Variants in UBE2E3 observed in about 807,000 individuals in gnomAD.
UBE2E3 encodes the protein ubiquitin conjugating enzyme E2 E3, also known as ubiquitin-conjugating enzyme E2 E3.
A neutral mutation model predicts 23.6 loss-of-function variants in UBE2E3; 5 were observed. The observed-to-expected ratio is 0.21, with a 90% confidence interval of 0.11 to 0.44. The LOEUF (loss-of-function observed/expected upper bound fraction) is 0.44, where lower values mean the gene tolerates loss of function less well. Among genes scored for constraint, UBE2E3 ranks in the 20% least tolerant of loss-of-function variants. The pLI, the probability that UBE2E3 is intolerant of heterozygous loss-of-function variation, is 0.99. For synonymous variants in UBE2E3, 78 were observed against 87.5 expected (o/e 0.89, Z 0.60); for missense variants, 81 against 249.8 (o/e 0.32, Z 4.55).
chr2:181,003,940 A>G (rs1209376086), intron 3 of UBE2E3, among the ~76,000 whole-genome samples: 1 of 152,252 alleles, frequency 6.6e-6, no homozygotes, highest in Non-Finnish European at 1.5e-5. Context: ...TTCAGAAATT[A>G]TATAACTAGT....
chr2:181,001,297 GT>G (rs1202940858), intron 3 of UBE2E3, among the ~76,000 whole-genome samples: 1 of 152,232 alleles, frequency 6.6e-6, no homozygotes, highest in African/African-American at 2.4e-5. Flanking sequence ...GGAAAGAGAG[GT>G]GGGAGAGAAA....
chr2:181,054,338 C>T (rs929401209), intron 3 of UBE2E3, among the ~76,000 whole-genome samples: 2 of 151,840 alleles, frequency 1.3e-5, no homozygotes, highest in Admixed American at 6.6e-5. Context: ...TTTCCTGTAC[C>T]ATTTTGTATT....
At chr2:180,992,855 A>T (rs943078717) in intron 3 of UBE2E3, among the ~76,000 whole-genome samples, 1 of 152,084 alleles carries the variant, frequency 6.6e-6, no homozygotes, top group Admixed American at 6.6e-5. Flanking sequence ...TAGTAGAGAC[A>T]GGGTTTCACC....
chr2:181,024,577 A>G (rs200642210), intron 3 of UBE2E3, among the ~76,000 whole-genome samples: 1 of 152,194 alleles, frequency 6.6e-6, no homozygotes, highest in Non-Finnish European at 1.5e-5. Flanking sequence ...GTGATTATTA[A>G]GATGTAATGG....
intron 3 of UBE2E3, among the ~76,000 whole-genome samples, chr2:181,049,975 A>G (rs893078868): frequency 1.3e-5 from 2 of 152,022 alleles, no homozygotes; most frequent in Admixed American, 6.6e-5. Flanking sequence ...CCCTGAATAT[A>G]TGAAATGAAG....
At chr2:181,039,632 A>C (rs886953119) in intron 3 of UBE2E3, among the ~76,000 whole-genome samples, 2 of 144,990 alleles carry the variant, frequency 1.4e-5, no homozygotes, top group African/African-American at 4.9e-5. Context: ...TACAAATGCT[A>C]ATTTTGGCTA....
At chr2:181,047,117 C>T (rs1686693836) in intron 3 of UBE2E3, among the ~76,000 whole-genome samples, 1 of 152,146 alleles carries the variant, frequency 6.6e-6, no homozygotes, top group African/African-American at 2.4e-5. Context: ...CACCACATGA[C>T]TAGATGACGT....
chr2:181,043,427 A>G (rs1313021655), intron 3 of UBE2E3, among the ~76,000 whole-genome samples: 4 of 152,198 alleles, frequency 2.6e-5, no homozygotes, highest in Non-Finnish European at 5.9e-5. Flanking sequence ...AAAATATTGT[A>G]TAAAATTACT....
intron 3 of UBE2E3, among the ~76,000 whole-genome samples, chr2:181,015,384 A>G (rs1685454192): frequency 2.0e-5 from 3 of 152,164 alleles, no homozygotes; most frequent in Admixed American, 2.0e-4. Flanking sequence ...CATCTAGAAC[A>G]TTTTGTCAAT....
chr2:181,035,986 C>T lies in UBE2E3; in HGVS notation c.246-21707C>T, dbSNP rs189622266. 3.2e-3 allele frequency among the ~76,000 whole-genome samples: 492 copies of T among 152,306 alleles called. 4 individuals are homozygous for T. Among genetic ancestry groups the T allele is most frequent in the African/African-American group, 0.011 (464 of 41,558 alleles). On this transcript the variant is annotated intron_variant, in intron 3 of 5. Transcript: ENST00000410062. ...GTAAGTGATGTCAGTACAGTGCATT[C>T]TTCAAACAGTAAAGTCAATCCTGAT...
chr2:180,989,994 CT>C, intron 3 of UBE2E3: 1 of 1,529,262 alleles, frequency 6.5e-7, no homozygotes, highest in Non-Finnish European at 8.8e-7. Context: ...AATAAAATCA[CT>C]TGTAAATCTA....
At chr2:181,010,199 ATAT>A (rs1685277615) in intron 3 of UBE2E3, among the ~76,000 whole-genome samples, 1 of 152,112 alleles carries the variant, frequency 6.6e-6, no homozygotes, top group Non-Finnish European at 1.5e-5. Context: ...TTATTATTTT[ATAT>A]TATTAATTGT....
intron 3 of UBE2E3, among the ~76,000 whole-genome samples, chr2:181,056,924 A>G (rs1687004886): frequency 6.6e-6 from 1 of 151,846 alleles, no homozygotes; most frequent in East Asian, 2.0e-4. Context: ...ATACCATGAG[A>G]AGGACACATA....
chr2:180,982,239 A>G lies in UBE2E3; in HGVS notation c.194+3A>G, dbSNP rs771419883. The G allele has an allele frequency of 2.5e-6, 4 of 1,611,718 alleles. No individual in the cohort carries two copies. The East Asian group carries it at 8.9e-5, about 36-fold the overall frequency. On this transcript the variant is annotated splice_donor_region_variant and intron_variant, in intron 2 of 5. Coordinates refer to ENST00000410062, the MANE Select transcript of UBE2E3 (RefSeq NM_006357.4). The stretch of plus-strand genomic sequence containing the variant: ...AAGTTATCCACTAGTGCTAAAAGGT[A>G]ATGTGTAAAAGAAGGATCCAGCACA...
chr2:180,996,792 TG>T (rs1684833226), intron 3 of UBE2E3, among the ~76,000 whole-genome samples: 1 of 152,170 alleles, frequency 6.6e-6, no homozygotes, highest in Non-Finnish European at 1.5e-5. Context: ...TTGTAATAGT[TG>T]TGTTTCTTAC....
chr2:181,058,538 T>G (rs939126458), intron 4 of UBE2E3, among the ~76,000 whole-genome samples: 1 of 151,708 alleles, frequency 6.6e-6, no homozygotes, highest in African/African-American at 2.4e-5. Context: ...ACCACTGGAA[T>G]TAAGCATGAG....
At chr2:181,025,363 C>T (rs928467343) in intron 3 of UBE2E3, among the ~76,000 whole-genome samples, 3 of 151,136 alleles carry the variant, frequency 2.0e-5, no homozygotes, top group East Asian at 1.9e-4. Context: ...GTAATTTTCA[C>T]AGTGTCATAA....
At chr2:180,991,010 C>T (rs529687292) in intron 3 of UBE2E3, among the ~76,000 whole-genome samples, 39 of 152,088 alleles carry the variant, frequency 2.6e-4, no homozygotes, top group African/African-American at 4.6e-4. Flanking sequence ...TAATGTTTCT[C>T]GACATTACTG....
chr2:181,055,997 A>G (rs1371694242), intron 3 of UBE2E3, among the ~76,000 whole-genome samples: 1 of 151,428 alleles, frequency 6.6e-6, no homozygotes, highest in Non-Finnish European at 1.5e-5. Flanking sequence ...TTCTTACAAC[A>G]TTCGCACTGA....
Sources: allele counts gnomAD v4.1 joint callset (sites outside exome capture counted in the v4.1 genomes callset), GRCh38; gene constraint gnomAD v4.1.1; transcripts MANE v1.5; gene names NCBI Gene and HGNC (gene_info 2026-07-23, HGNC 2026-07-21).